Variants in MAP4K3 observed in about 807,000 individuals in gnomAD.
The protein encoded by MAP4K3 is MAPK/ERK kinase kinase kinase 3.
Under a neutral mutation model 143.5 loss-of-function variants are expected in MAP4K3, and 94 were observed. The ratio of observed to expected loss-of-function variants is 0.65; its 90% CI spans 0.55 to 0.78. The LOEUF is 0.78. Ranked by LOEUF, MAP4K3 falls within the 30% of genes least tolerant of loss-of-function variation. The pLI, the probability that MAP4K3 is intolerant of heterozygous loss-of-function variation, is 0.00. For missense variants in MAP4K3, 1,077 were observed against 1,068.1 expected, an observed-to-expected ratio of 1.01 and a Z score of -0.12; for synonymous variants, 416 against 347.2, an observed-to-expected ratio of 1.20 and a Z score of -2.20.
intron 1 of MAP4K3, among the ~76,000 whole-genome samples, chr2:39,385,593 T>TATATATATATATA (rs373953367): frequency 2.3e-5 from 3 of 132,934 alleles, no homozygotes; most frequent in African/African-American, 5.8e-5. Flanking sequence ...TATATATATA[T>TATATATATATATA]TCTATATATG....
intron 31 of MAP4K3, among the ~76,000 whole-genome samples, chr2:39,257,033 T>C (rs927805537): frequency 1.3e-5 from 2 of 152,242 alleles, no homozygotes; most frequent in African/African-American, 4.8e-5. Context: ...CGAAACTGAC[T>C]TATTATAATC....
At chr2:39,250,819 A>G in intron 33 of MAP4K3, 114 bp from the exon 34 acceptor site, 1 of 764,446 alleles carries the variant, frequency 1.3e-6, no homozygotes, top group Non-Finnish European at 2.2e-6. Context: ...TGCTCATTTG[A>G]TCGTGGGCAG....
intron 1 of MAP4K3, 80 bp downstream of exon 1, chr2:39,436,812 G>C (rs1331193339): frequency 2.4e-6 from 3 of 1,251,200 alleles, no homozygotes; most frequent in South Asian, 2.5e-5. Context: ...CCCGAGGACA[G>C]GCGGCAAGGG....
intron 20 of MAP4K3, 30 bp from the exon 21 acceptor site, chr2:39,286,994 T>C (rs1301774160): frequency 2.1e-6 from 3 of 1,418,048 alleles, no homozygotes; most frequent in Middle Eastern, 2.0e-4. Flanking sequence ...TTGAAAATGA[T>C]TAATCTTCAT....
At chr2:39,362,780 A>C (rs533339623) in intron 2 of MAP4K3, among the ~76,000 whole-genome samples, 4 of 152,286 alleles carry the variant, frequency 2.6e-5, no homozygotes, top group African/African-American at 9.6e-5. Context: ...GAGGTCTCAC[A>C]CTCCTGGTTT....
chr2:39,325,610 G>A lies in MAP4K3; in HGVS notation c.826C>T (p.His276Tyr). 6.2e-7 allele frequency: 1 copy of A among 1,612,754 alleles called. No individual in the cohort carries two copies. Among genetic ancestry groups the A allele is most frequent in the Non-Finnish European group, 8.5e-7 (1 of 1,179,260 alleles). The part of the protein sequence containing the change: ...KLLQHPFVTQ[H>Y]LTRSLAIELL... The stretch of plus-strand genomic sequence containing the variant: ...TCGATTGCCAAAGACCGTGTCAAAT[G>A]TTGTGTTACAAAAGGATGCTATAAA... The change falls in exon 12 of 34, where the codon CAT becomes TAT. Residue 276 changes from histidine (H) to tyrosine (Y), a missense_variant. His to Tyr is a moderately conservative substitution (Grantham distance 83, BLOSUM62 2). This residue lies in a region of MAP4K3 where 864 missense variants were observed against 801.2 expected (regional missense o/e 1.08). Coordinates refer to ENST00000263881, the MANE Select transcript of MAP4K3 (RefSeq NM_003618.4).
At chr2:39,416,689 T>A (rs1019858130) in intron 1 of MAP4K3, among the ~76,000 whole-genome samples, 6 of 152,244 alleles carry the variant, frequency 3.9e-5, no homozygotes, top group Non-Finnish European at 1.5e-5. Flanking sequence ...CTGTCCCCTC[T>A]CATATCCAGA....
At chr2:39,253,425 C>G (rs1680226941) in intron 32 of MAP4K3, among the ~76,000 whole-genome samples, 1 of 152,202 alleles carries the variant, frequency 6.6e-6, no homozygotes, top group South Asian at 2.1e-4. Flanking sequence ...AGCCAACATG[C>G]CTGGCCAGCA....
intron 1 of MAP4K3, among the ~76,000 whole-genome samples, chr2:39,404,453 T>A (rs1667036997): frequency 6.6e-6 from 1 of 151,942 alleles, no homozygotes; most frequent in African/African-American, 2.4e-5. Flanking sequence ...GTACTCCCCA[T>A]GGGCCTGTAG....
At chr2:39,371,718 AAGAAC>A (rs1558671651) in intron 2 of MAP4K3, among the ~76,000 whole-genome samples, 1 of 152,106 alleles carries the variant, frequency 6.6e-6, no homozygotes, top group African/African-American at 2.4e-5. Flanking sequence ...GAAACAAGAA[AAGAAC>A]AGGAGTAGCT....
At chr2:39,411,018 A>C (rs952268882) in intron 1 of MAP4K3, among the ~76,000 whole-genome samples, 19 of 152,180 alleles carry the variant, frequency 1.2e-4, no homozygotes, top group Non-Finnish European at 2.6e-4. Context: ...TTTTTACTTA[A>C]GCTGGAGATA....
intron 1 of MAP4K3, among the ~76,000 whole-genome samples, chr2:39,396,623 G>A (rs1052870971): frequency 3.3e-5 from 5 of 151,722 alleles, no homozygotes; most frequent in African/African-American, 7.3e-5. Context: ...ACAGGCGCCC[G>A]CCACTACGCC....
Position 39,272,322 on chromosome 2 carries a change from G to C in MAP4K3, c.1934C>G (p.Ala645Gly). Reference sequence around the variant, plus strand: ...GTCAGGGAGTTTGTGTGCTGGAATAGCAACAGGTAACTTTTGCATTTGTCT... The same window carrying C: ...GTCAGGGAGTTTGTGTGCTGGAATACCAACAGGTAACTTTTGCATTTGTCT... ...YARQMQKLPV[A>G]IPAHKLPDRI... is the part of the protein sequence containing the mutation. The change falls in exon 26 of 34, where the codon GCT becomes GGT. Residue 645 changes from alanine (A) to glycine (G), a missense_variant. Around this residue, in one of 2 missense-constraint regions of MAP4K3, gnomAD observed 864 missense variants for 801.2 expected, o/e 1.08. Coordinates refer to ENST00000263881, the MANE Select transcript of MAP4K3 (RefSeq NM_003618.4). 6.2e-7 allele frequency: 1 copy of C among 1,613,784 alleles called. No homozygotes were observed. The highest frequency in any genetic ancestry group is 8.5e-7 in the Non-Finnish European group (1 of 1,179,820).
At chr2:39,255,627 C>T (rs531679712) in intron 31 of MAP4K3, among the ~76,000 whole-genome samples, 12 of 152,212 alleles carry the variant, frequency 7.9e-5, no homozygotes, top group African/African-American at 2.2e-4. Flanking sequence ...GGGTAGAAAA[C>T]GATTTGTCAA....
chr2:39,276,663 T>C (rs1465629161), intron 24 of MAP4K3, among the ~76,000 whole-genome samples: 1 of 152,238 alleles, frequency 6.6e-6, no homozygotes, highest in African/African-American at 2.4e-5. Context: ...AAATAATATA[T>C]GTCAAGCATT....
chr2:39,301,544 T>G (rs1390687428), intron 15 of MAP4K3, among the ~76,000 whole-genome samples: 2 of 152,202 alleles, frequency 1.3e-5, no homozygotes, highest in African/African-American at 4.8e-5. Context: ...TACAATCTCT[T>G]AAGCCTTTAA....
intron 31 of MAP4K3, among the ~76,000 whole-genome samples, chr2:39,258,137 G>C (rs1680420145): frequency 6.6e-6 from 1 of 152,026 alleles, no homozygotes. Flanking sequence ...TCACCATGTT[G>C]GCCAGGCTGG....
At chr2:39,269,228 A>C (rs1680910119) in intron 26 of MAP4K3, among the ~76,000 whole-genome samples, 1 of 152,072 alleles carries the variant, frequency 6.6e-6, no homozygotes, top group Non-Finnish European at 1.5e-5. Flanking sequence ...TCTTGTAACC[A>C]CACAATTGGC....
intron 1 of MAP4K3, among the ~76,000 whole-genome samples, chr2:39,392,458 C>T (rs1410812181): frequency 6.6e-6 from 1 of 152,194 alleles, no homozygotes; most frequent in East Asian, 1.9e-4. Context: ...AAATTAGACA[C>T]ATAAAGCTAT....
Sources: gnomAD v4.1 joint callset for allele counts (sites outside exome capture counted in the v4.1 genomes callset) on GRCh38, gnomAD v4.1.1 for gene constraint, gnomAD v4.1.1 regional missense constraint, MANE v1.5 for transcripts, NCBI Gene and HGNC (gene_info 2026-07-23, HGNC 2026-07-21) for gene names.